Variants in CIITA observed in about 807,000 individuals in gnomAD.
CIITA encodes class II major histocompatibility complex transactivator.
CIITA carries 72 observed loss-of-function variants against 115.1 expected under a neutral mutation model. That is an observed-to-expected ratio of 0.63 (90% confidence interval 0.52 to 0.76). CIITA has a LOEUF of 0.76. Ranked by LOEUF, CIITA falls within the 30% of genes least tolerant of loss-of-function variation. CIITA has a pLI of 0.00. For synonymous variants in CIITA, 763 were observed against 635.6 expected, an observed-to-expected ratio of 1.20 and a Z score of -3.02; for missense variants, 1,617 against 1,463.8, an observed-to-expected ratio of 1.10 and a Z score of -1.71.
In CIITA at chr16:10,901,082, T is replaced by C. The variant is rs1224833755; in HGVS notation, c.437-432T>C. ...AAGGGACACGTGGGTTTTTAATCTG[T>C]TGCTGTGAGTGCTTGATACTCACTC... On this transcript the variant is annotated intron_variant, in intron 5 of 19. Coordinates refer to ENST00000324288, the MANE Select transcript of CIITA (RefSeq NM_000246.4). The surrounding 1 kb of genome is among the most constrained non-coding windows in gnomAD (Gnocchi z 6.8). 6.6e-6 allele frequency among the ~76,000 whole-genome samples: 1 copy of C among 152,190 alleles called. No homozygotes were observed. The highest frequency in any genetic ancestry group is 1.5e-5 in the Non-Finnish European group (1 of 68,038).
intron 5 of CIITA, 121 bp downstream of exon 5, chr16:10,899,123 C>T: frequency 1.1e-6 from 1 of 888,116 alleles, no homozygotes; most frequent in South Asian, 1.4e-5. Flanking sequence ...TTGGGAGGCC[C>T]TTTAAAAGCC....
intron 13 of CIITA, among the ~76,000 whole-genome samples, chr16:10,910,819 C>T (rs2039509112): frequency 6.6e-6 from 1 of 152,258 alleles, no homozygotes; most frequent in Non-Finnish European, 1.5e-5. Flanking sequence ...AGCTTGTTTA[C>T]TTCCACAGCC....
intron 3 of CIITA, 138 bp from the exon 4 acceptor site, chr16:10,898,532 A>ATCAT (rs923024708): frequency 1.1e-5 from 6 of 569,102 alleles, no homozygotes; most frequent in Admixed American, 3.2e-5. Flanking sequence ...CATTTGTTTG[A>ATCAT]TCATTCATTC....
chr16:10,900,258 T>C (rs987662624), intron 5 of CIITA, among the ~76,000 whole-genome samples: 3 of 152,218 alleles, frequency 2.0e-5, no homozygotes, highest in Admixed American at 6.5e-5. Flanking sequence ...AATGACCACA[T>C]TTTATTTACA....
chr16:10,879,324 G>A lies in CIITA; in HGVS notation c.52+1942G>A, dbSNP rs562920563. Among the ~76,000 whole-genome samples, 87 of 152,208 alleles carry A rather than the reference G, an allele frequency of 5.7e-4. No homozygotes were observed. Among genetic ancestry groups the A allele is most frequent in the African/African-American group, 1.5e-3 (62 of 41,528 alleles). On this transcript the variant is annotated intron_variant, in intron 1 of 19. Coordinates refer to ENST00000324288, the MANE Select transcript of CIITA (RefSeq NM_000246.4). This position sits in a 1 kb window ranked among gnomAD's most constrained non-coding sequence, Gnocchi z 4.3. ...TGGCGGCAGCTTCTGCAGAGAAGCC[G>A]GAGCGCAGACTGGGAGCGCGGAGCA...
chr16:10,872,721 C>T (rs1356277439), upstream of CIITA, among the ~76,000 whole-genome samples: 1 of 152,200 alleles, frequency 6.6e-6, no homozygotes, highest in Admixed American at 6.5e-5. Flanking sequence ...CCCTATTCAC[C>T]GATCTCTTTC....
At chr16:10,870,127 C>T (rs2143221357) in intron 1 of CIITA, among the ~76,000 whole-genome samples, 1 of 124,788 alleles carries the variant, frequency 8.0e-6, no homozygotes, top group Middle Eastern at 7.0e-3. Context: ...AGGAGGGAGA[C>T]TATGGGGTCT....
In CIITA at chr16:10,901,490, G is replaced by C. The variant is rs746579744; in HGVS notation, c.437-24G>C. On this transcript the variant is annotated intron_variant, in intron 5 of 19. Coordinates refer to ENST00000324288, the MANE Select transcript of CIITA (RefSeq NM_000246.4). This position sits in a 1 kb window ranked among gnomAD's most constrained non-coding sequence, Gnocchi z 6.8. ...CTTGGGACATCCTCTCCCTGGGGCAGCTGATCACATGTTTTCTCTGCAGCC... is the reference window on the plus strand; with the variant it reads ...CTTGGGACATCCTCTCCCTGGGGCACCTGATCACATGTTTTCTCTGCAGCC... 6.2e-7 allele frequency: 1 copy of C among 1,613,976 alleles called. No homozygotes were observed. Among genetic ancestry groups the C allele is most frequent in the Non-Finnish European group, 8.5e-7 (1 of 1,179,952 alleles).
rs2038755200 is a variant in CIITA at position 10,901,561 on chromosome 16, G to A, written c.481+3G>A. ...AGACCTGAAGCACTGGAAGCCAGGT[G>A]TGCAGGGCAGGTGGGCTGGGGTTGG... On this transcript the variant is annotated splice_donor_region_variant and intron_variant, in intron 6 of 19. Coordinates refer to ENST00000324288, the MANE Select transcript of CIITA (RefSeq NM_000246.4). This position sits in a 1 kb window ranked among gnomAD's most constrained non-coding sequence, Gnocchi z 6.8. 1 of 1,613,938 alleles carries A rather than the reference G, an allele frequency of 6.2e-7. No individual in the cohort carries two copies. Among genetic ancestry groups the A allele is most frequent in the Middle Eastern group, 1.7e-4 (1 of 6,060 alleles).
Position 10,931,872 on chromosome 16 carries a change from CAG to C in CIITA, c.*8020_*8021del, listed in dbSNP as rs2040813156. On this transcript the variant is annotated 3_prime_UTR_variant, in exon 20 of 20. Coordinates refer to ENST00000324288, the MANE Select transcript of CIITA (RefSeq NM_000246.4). ...CGCCACTGCACTATAGCCTAGGTGA[CAG>C]AGTGAGACTCTGTCTCAAAAAAACA... 1 of 152,230 alleles carries C rather than the reference CAG, an allele frequency of 6.6e-6. No individual in the cohort carries two copies. The highest frequency in any genetic ancestry group is 1.5e-5 in the Non-Finnish European group (1 of 68,054). The allele number at this position is 152,230 out of a possible 1,614,324, so 9.4% of individuals were successfully genotyped here. A position where few individuals can be genotyped will look rare whatever the true frequency, so the allele number is the denominator to read the frequency against.
At chr16:10,887,582 G>A (rs534700947) in intron 1 of CIITA, among the ~76,000 whole-genome samples, 12 of 150,988 alleles carry the variant, frequency 7.9e-5, no homozygotes, top group Non-Finnish European at 1.8e-4. Context: ...TGCAACCTCC[G>A]CCTCCCAGGT....
rs1159863269 is a variant in CIITA, at chr16:10,942,501, T to C, written n.1627T>C. 1 of 152,354 alleles carries C rather than the reference T, an allele frequency of 6.6e-6. No homozygotes were observed. Among genetic ancestry groups the C allele is most frequent in the South Asian group, 2.1e-4 (1 of 4,870 alleles). The allele number at this position is 152,354 out of a possible 1,614,324, so 9.4% of individuals were successfully genotyped here. Reference sequence around the variant, plus strand: ...CGCCTCCCGAGGGGCCCCGAGCTCATTGGCAGGCCGCCCCCTGCACGCGCT... The same window carrying C: ...CGCCTCCCGAGGGGCCCCGAGCTCACTGGCAGGCCGCCCCCTGCACGCGCT... On this transcript the variant is annotated non_coding_transcript_exon_variant, in exon 2 of 2. Transcript: ENST00000573379. The surrounding 1 kb of genome is among the most constrained non-coding windows in gnomAD (Gnocchi z 5.0).
chr16:10,912,657 C>T (rs1403489019), intron 13 of CIITA, among the ~76,000 whole-genome samples: 1 of 152,154 alleles, frequency 6.6e-6, no homozygotes, highest in Admixed American at 6.5e-5. Flanking sequence ...CTAAATTTGT[C>T]CAGAGGTAAA....
At chr16:10,915,931 G>A (rs967750850) in intron 14 of CIITA, among the ~76,000 whole-genome samples, 6 of 152,228 alleles carry the variant, frequency 3.9e-5, no homozygotes, top group Non-Finnish European at 8.8e-5. Context: ...CATGAGTGAT[G>A]AGATGACGCC....
intron 1 of CIITA, among the ~76,000 whole-genome samples, chr16:10,887,280 G>T (rs2037050649): frequency 6.6e-6 from 1 of 152,076 alleles, no homozygotes; most frequent in Non-Finnish European, 1.5e-5. Flanking sequence ...GGAGAAGACT[G>T]CCAGGCAACG....
At chr16:10,895,889 G>A in intron 3 of CIITA, 125 bp downstream of exon 3, 1 of 953,148 alleles carries the variant, frequency 1.0e-6, no homozygotes, top group East Asian at 2.6e-5. Flanking sequence ...TTGCAAGGGG[G>A]ATGCGGAGCA....
intron 15 of CIITA, 124 bp from the exon 16 acceptor site, chr16:10,918,316 A>G: frequency 2.2e-6 from 2 of 889,282 alleles, no homozygotes; most frequent in Non-Finnish European, 1.9e-6. Flanking sequence ...CCTCCTATTT[A>G]CCGAGAGGTA....
At position 10,901,803 on chromosome 16, in the gene CIITA, C is replaced by A. The variant is rs534411466; in HGVS notation, c.482-235C>A. On this transcript the variant is annotated intron_variant, in intron 6 of 19. Transcript: ENST00000324288. The surrounding 1 kb of genome is among the most constrained non-coding windows in gnomAD (Gnocchi z 6.8). The stretch of plus-strand genomic sequence containing the variant: ...TAGGTTCTATTCTGCCCCAGCTCTC[C>A]GTGTGGAGGCCCTAGGGTCCTGCTC... 5 of 683,742 alleles carry A rather than the reference C, an allele frequency of 7.3e-6. No homozygotes were observed. The highest frequency in any genetic ancestry group is 2.7e-5 in the East Asian group (1 of 37,672). 42.4% of individuals were successfully genotyped at this position (683,742 alleles called of 1,614,324 possible).
chr16:10,907,018 G>T lies in CIITA; in HGVS notation c.1526G>T (p.Gly509Val), dbSNP rs1386629186. The T allele has an allele frequency of 9.3e-6, 15 of 1,609,040 alleles. 1 individual carries two copies. In the Admixed American group the frequency reaches 2.5e-4, roughly 27 times the overall value. ...TTCGAGGAGCTGGAAGCGCAAGATG[G>T]CTTCCTGCACAGCACGTGCGGACCG... ...DGFEELEAQD[G>V]FLHSTCGPAP... is the part of the protein sequence containing the mutation. Residue 509 changes from glycine (G) to valine (V), a missense_variant, in exon 11 of 20, where the codon GGC (glycine) becomes GTC (valine). Physicochemically the swap from Gly to Val is moderately radical, Grantham distance 109 (BLOSUM62 -3). Coordinates refer to ENST00000324288, the MANE Select transcript of CIITA (RefSeq NM_000246.4). This position sits in a 1 kb window ranked among gnomAD's most constrained non-coding sequence, Gnocchi z 5.0.
Sources: allele counts gnomAD v4.1 joint callset (sites outside exome capture counted in the v4.1 genomes callset), GRCh38; gene constraint gnomAD v4.1.1; non-coding constraint Gnocchi (gnomAD v3.1); transcripts MANE v1.5; gene names NCBI Gene and HGNC (gene_info 2026-07-23, HGNC 2026-07-21).